Variants in KCNMB2 observed in about 807,000 individuals in gnomAD.
KCNMB2 encodes the protein calcium-activated potassium channel subunit beta-2.
KCNMB2 carries 9 observed loss-of-function variants against 24.5 expected under a neutral mutation model. The observed-to-expected ratio is 0.37, with a 90% CI of 0.22 to 0.64. The LOEUF is 0.64. Ranked by LOEUF, KCNMB2 falls within the 30% of genes least tolerant of loss-of-function variation. KCNMB2 has a pLI of 0.63. For missense variants in KCNMB2, 226 were observed against 284.3 expected, an observed-to-expected ratio of 0.79 and a Z score of 1.47; for synonymous variants, 109 against 104.4, an observed-to-expected ratio of 1.04 and a Z score of -0.27.
At chr3:178,661,507 T>C (rs896845559) in intron 1 of KCNMB2, among the ~76,000 whole-genome samples, 1 of 152,164 alleles carries the variant, frequency 6.6e-6, no homozygotes, top group African/African-American at 2.4e-5. Flanking sequence ...TCTCTTGCGG[T>C]CACTCTACTC....
chr3:178,568,886 A>AGAT (rs1716662819), intron 1 of KCNMB2, among the ~76,000 whole-genome samples: 1 of 147,750 alleles, frequency 6.8e-6, no homozygotes, highest in Non-Finnish European at 1.5e-5. Context: ...ATAGATAGAT[A>AGAT]GATAGATAGA....
intron 1 of KCNMB2, among the ~76,000 whole-genome samples, chr3:178,698,941 C>A (rs1046432009): frequency 1.3e-5 from 2 of 152,212 alleles, no homozygotes; most frequent in African/African-American, 4.8e-5. Context: ...TCATATTCGG[C>A]CCCAACTTTA....
At chr3:178,789,819 G>C (rs941885510) in intron 1 of KCNMB2, among the ~76,000 whole-genome samples, 1 of 152,036 alleles carries the variant, frequency 6.6e-6, no homozygotes, top group African/African-American at 2.4e-5. Flanking sequence ...AACTTGAAAG[G>C]CAGCCTAGGC....
intron 1 of KCNMB2, among the ~76,000 whole-genome samples, chr3:178,646,313 T>C (rs1719921289): frequency 6.6e-6 from 1 of 152,208 alleles, no homozygotes; most frequent in Non-Finnish European, 1.5e-5. Flanking sequence ...TATCTGACAA[T>C]GGCTCAACCT....
At chr3:178,765,673 C>T (rs1427182944) in intron 1 of KCNMB2, among the ~76,000 whole-genome samples, 2 of 85,934 alleles carry the variant, frequency 2.3e-5, no homozygotes, top group South Asian at 3.5e-4. Flanking sequence ...GTGTGCATGT[C>T]CACACATGTG....
intron 1 of KCNMB2, among the ~76,000 whole-genome samples, chr3:178,806,575 T>C (rs1418824734): frequency 6.6e-6 from 1 of 152,054 alleles, no homozygotes; most frequent in Non-Finnish European, 1.5e-5. Flanking sequence ...GGCTTTTTTA[T>C]TTAATGTTCC....
intron 1 of KCNMB2, among the ~76,000 whole-genome samples, chr3:178,705,925 G>A (rs777020884): frequency 5.9e-5 from 9 of 152,042 alleles, no homozygotes; most frequent in African/African-American, 1.9e-4. Context: ...ACATAGAAGC[G>A]GAGGAAGAAA....
At chr3:178,540,048 G>A (rs1337373458) in intron 1 of KCNMB2, among the ~76,000 whole-genome samples, 2 of 152,062 alleles carry the variant, frequency 1.3e-5, no homozygotes, top group Non-Finnish European at 2.9e-5. Context: ...CCACTTAAAT[G>A]TCTACAGGCA....
chr3:178,752,617 C>G (rs1723889293), intron 1 of KCNMB2, among the ~76,000 whole-genome samples: 1 of 152,150 alleles, frequency 6.6e-6, no homozygotes, highest in Admixed American at 6.6e-5. Context: ...GGAGGAAAAA[C>G]TGGAGAAAAT....
intron 1 of KCNMB2, among the ~76,000 whole-genome samples, chr3:178,752,268 G>T (rs953545264): frequency 1.3e-5 from 2 of 152,190 alleles, no homozygotes; most frequent in Admixed American, 1.3e-4. Flanking sequence ...ATGAATTTTA[G>T]CTCGGGATAA....
chr3:178,767,176 A>C (rs1346573281), intron 1 of KCNMB2, among the ~76,000 whole-genome samples: 1 of 152,250 alleles, frequency 6.6e-6, no homozygotes, highest in Non-Finnish European at 1.5e-5. Flanking sequence ...CTAACTGTTC[A>C]TCAGCAGATA....
Position 178,700,870 on chromosome 3 carries a change from G to A in KCNMB2, c.-67-106473G>A, listed in dbSNP as rs112301737. ...AATGGATATTAGCCCTTTGTCAGAT[G>A]AGTAGATTGCAAAAATTTTCTCCCA... On this transcript the variant is annotated intron_variant, in intron 1 of 4. Coordinates refer to ENST00000452583, the MANE Select transcript of KCNMB2 (RefSeq NM_181361.3). 1.7e-3 allele frequency among the ~76,000 whole-genome samples: 262 copies of A among 152,202 alleles called. 1 individual carries two copies. Among genetic ancestry groups the A allele is most frequent in the African/African-American group, 6.0e-3 (250 of 41,538 alleles).
intron 1 of KCNMB2, among the ~76,000 whole-genome samples, chr3:178,551,199 C>T (rs1469941500): frequency 6.6e-6 from 1 of 152,118 alleles, no homozygotes; most frequent in East Asian, 1.9e-4. Context: ...CTTTTTCTTC[C>T]CAGAGGCTGG....
intron 1 of KCNMB2, among the ~76,000 whole-genome samples, chr3:178,746,500 G>A (rs9845840): frequency 0.17 from 25,438 of 152,110 alleles, 2,484 homozygotes; most frequent in African/African-American, 0.25. Flanking sequence ...TCATTGTCTC[G>A]GGGATTAACT....
chr3:178,720,211 A>G (rs1447531740), intron 1 of KCNMB2, among the ~76,000 whole-genome samples: 7 of 151,806 alleles, frequency 4.6e-5, no homozygotes, highest in Non-Finnish European at 8.8e-5. Context: ...ATTCCCATCT[A>G]TGAGTGAGAA....
chr3:178,791,146 A>C (rs1462415081), intron 1 of KCNMB2, among the ~76,000 whole-genome samples: 1 of 152,260 alleles, frequency 6.6e-6, no homozygotes, highest in East Asian at 1.9e-4. Flanking sequence ...CAAGTGGCCA[A>C]TACCGGAATG....
intron 1 of KCNMB2, among the ~76,000 whole-genome samples, chr3:178,752,468 C>T (rs1219467663): frequency 6.6e-6 from 1 of 152,070 alleles, no homozygotes; most frequent in East Asian, 1.9e-4. Context: ...AAATGGTGTC[C>T]AAGGAGCAGG....
intron 1 of KCNMB2, among the ~76,000 whole-genome samples, chr3:178,762,053 C>T (rs567139752): frequency 2.2e-4 from 33 of 151,432 alleles, no homozygotes; most frequent in Non-Finnish European, 4.7e-4. Flanking sequence ...CGCCTGTAGT[C>T]CCAGCTACTC....
chr3:178,544,916 T>C (rs1033328610), intron 1 of KCNMB2, among the ~76,000 whole-genome samples: 5 of 151,808 alleles, frequency 3.3e-5, no homozygotes, highest in African/African-American at 7.2e-5. Context: ...ATACAATAGG[T>C]TTTTTAAAAA....
Sources: gnomAD v4.1 joint callset for allele counts (sites outside exome capture counted in the v4.1 genomes callset) on GRCh38, gnomAD v4.1.1 for gene constraint, MANE v1.5 for transcripts, NCBI Gene and HGNC (gene_info 2026-07-23, HGNC 2026-07-21) for gene names.